FRMD1: variants seen among roughly 807,000 people sequenced by gnomAD.
The protein encoded by FRMD1 is FERM domain-containing protein 1.
A neutral mutation model predicts 54.9 loss-of-function variants in FRMD1; 51 were observed. The ratio of observed to expected loss-of-function variants is 0.93; its 90% CI spans 0.74 to 1.17. FRMD1 has a LOEUF of 1.17. Ranked by LOEUF, FRMD1 falls within the 50% of genes most tolerant of loss-of-function variation. The pLI is 0.00. For synonymous variants in FRMD1, 324 were observed against 306.4 expected (o/e 1.06, Z -0.60); for missense variants, 729 against 743.0 (o/e 0.98, Z 0.22).
At position 168,064,987 on chromosome 6, in the gene FRMD1, G is replaced by A. The variant is rs202166497; in HGVS notation, c.532C>T (p.Arg178Trp). 1.3e-4 allele frequency: 214 copies of A among 1,611,888 alleles called. 3 individuals are homozygous for A. In the East Asian group the frequency reaches 2.2e-3, roughly 16 times the overall value. ...GCCAGCAGGAAGTAGGCTTCCTCCC[G>A]GTGAGCGCACTGTGACCTCAGCACG... Reference protein sequence around the residue: ...ERVLRSQCAHREEAYFLLAAC... With the variant: ...ERVLRSQCAHWEEAYFLLAAC... The change falls in exon 5 of 11, where the codon CGG becomes TGG. Residue 178 changes from arginine to tryptophan, a missense_variant. Physicochemically the swap from Arg to Trp is moderately radical, Grantham distance 101. Coordinates refer to ENST00000283309, the MANE Select transcript of FRMD1 (RefSeq NM_024919.6).
intron 3 of FRMD1, chr6:168,067,049 C>A: frequency 2.7e-6 from 2 of 745,352 alleles, no homozygotes; most frequent in Non-Finnish European, 4.7e-6. Flanking sequence ...TCTGCAAAGG[C>A]GGGCTTCGGG....
intron 1 of FRMD1, chr6:168,075,729 G>A (rs930489084): frequency 5.2e-6 from 8 of 1,536,414 alleles, no homozygotes; most frequent in Non-Finnish European, 7.1e-6. Flanking sequence ...CGCGAGCATC[G>A]GTGTCTCACA....
chr6:168,092,510 G>A (rs10945468), intron 1 of FRMD1, among the ~76,000 whole-genome samples: 5,092 of 151,438 alleles, frequency 0.034, 147 homozygotes, highest in African/African-American at 0.064. Flanking sequence ...AGGTTTGGGA[G>A]GTGATACAGT....
At chr6:168,092,452 G>A (rs1801030628) in intron 1 of FRMD1, among the ~76,000 whole-genome samples, 1 of 152,074 alleles carries the variant, frequency 6.6e-6, no homozygotes, top group Admixed American at 6.5e-5. Context: ...CCTCAGGAAT[G>A]GGATTAGTGC....
intron 1 of FRMD1, among the ~76,000 whole-genome samples, chr6:168,091,314 G>T (rs145904701): frequency 2.0e-4 from 30 of 152,316 alleles, no homozygotes; most frequent in African/African-American, 6.5e-4. Flanking sequence ...CTCTTCCACG[G>T]ACTCTGCTCT....
rs1799750956 is a variant in FRMD1, at chr6:168,061,825, G to T, written c.1027C>A (p.Gln343Lys). 6.4e-7 allele frequency: 1 copy of T among 1,561,014 alleles called. No individual in the cohort carries two copies. Among genetic ancestry groups the T allele is most frequent in the South Asian group, 1.2e-5 (1 of 84,904 alleles). The change falls in exon 8 of 11, where the codon CAG (glutamine) becomes AAG (lysine). Residue 343 changes from glutamine (Q) to lysine (K), a missense_variant. Physicochemically the swap from Gln to Lys is moderately conservative, Grantham distance 53 (BLOSUM62 1). Transcript: ENST00000283309. ...RVRPTLQQLR[Q>K]REEAEEKQHY... ...GCCCCACCTTCTGCCTCCTCCCGCT[G>T]CCGCAGCTGTTGCAGAGTGGGCCGC...
chr6:168,079,963 T>C (rs1800780060), upstream of FRMD1, among the ~76,000 whole-genome samples: 1 of 152,078 alleles, frequency 6.6e-6, no homozygotes, highest in Non-Finnish European at 1.5e-5. Flanking sequence ...ACCCAGACCT[T>C]TGGGCGCTGC....
At chr6:168,092,824 G>T (rs1173399243) in intron 1 of FRMD1, 1 of 152,356 alleles carries the variant, frequency 6.6e-6, no homozygotes, top group Non-Finnish European at 1.5e-5. Flanking sequence ...CACCCCGTGA[G>T]CAGGCCTGGC....
Position 168,057,176 on chromosome 6 carries a change from G to C in FRMD1, c.1571C>G (p.Thr524Ser). ...GTTGCTGGACCTCTTGCTGGGGAGA[G>C]TGGCCCTGGTCTCGCAGGGGCCTGC... ...RLAGPCETRA[T>S]LPSKRSSNCL... Residue 524 changes from threonine (T) to serine (S), a missense_variant, in exon 11 of 11, where the codon ACT (threonine) becomes AGT (serine). By Grantham distance (58) the Thr-to-Ser change is moderately conservative. Transcript: ENST00000283309. 6.3e-7 allele frequency: 1 copy of C among 1,589,778 alleles called. No homozygotes were observed. The highest frequency in any genetic ancestry group is 8.6e-7 in the Non-Finnish European group (1 of 1,167,446).
chr6:168,065,212 C>G, intron 4 of FRMD1, 155 bp from the exon 5 acceptor site: 2 of 1,416,600 alleles, frequency 1.4e-6, no homozygotes, highest in Non-Finnish European at 1.8e-6. Context: ...TGTGTCCCTG[C>G]AGGGCCAGCA....
At chr6:168,076,619 T>A (rs1800606863) in intron 1 of FRMD1, among the ~76,000 whole-genome samples, 1 of 152,226 alleles carries the variant, frequency 6.6e-6, no homozygotes, top group Non-Finnish European at 1.5e-5. Context: ...GCCATGACTG[T>A]AAGTTTCCTG....
Position 168,068,881 on chromosome 6 carries a change from G to A in FRMD1, c.305-1435C>T, listed in dbSNP as rs2114989952. Among the ~76,000 whole-genome samples the A allele has an allele frequency of 2.6e-5, 4 of 152,374 alleles. No homozygotes were observed. The South Asian group carries it at 8.3e-4, about 32-fold the overall frequency. The stretch of plus-strand genomic sequence containing the variant: ...AGAGGCCTGCAGAAAGGGCATCACA[G>A]GGCCGGGTGCCTGGCTCAGCCCCTC... On this transcript the variant is annotated intron_variant, in intron 2 of 10. Transcript: ENST00000283309.
At chr6:168,075,479 C>T in intron 1 of FRMD1, 144 bp from the exon 2 acceptor site, 1 of 711,772 alleles carries the variant, frequency 1.4e-6, no homozygotes, top group Non-Finnish European at 2.5e-6. Context: ...GTCTCTCACT[C>T]TCTCCCAAAG....
In FRMD1 at chr6:168,061,131, G is replaced by A. The variant is rs556038026; in HGVS notation, c.1046-74C>T. On this transcript the variant is annotated intron_variant, in intron 8 of 10. Coordinates refer to ENST00000283309, the MANE Select transcript of FRMD1 (RefSeq NM_024919.6). ...CCTGCTGATGCAGGAGGAAGAGCCC[G>A]GGAGACAGAAATGCACACCCACAGC... The A allele has an allele frequency of 2.2e-4, 325 of 1,453,912 alleles. 1 individual carries two copies. Among genetic ancestry groups the A allele is most frequent in the Admixed American group, 3.6e-4 (17 of 47,554 alleles). The allele number at this position is 1,453,912 out of a possible 1,614,324, so 90.1% of individuals were successfully genotyped here.
At chr6:168,066,957 C>A in intron 3 of FRMD1, 126 bp from the exon 4 acceptor site, 1 of 1,191,466 alleles carries the variant, frequency 8.4e-7, no homozygotes, top group African/African-American at 1.5e-5. Flanking sequence ...CAGGTGTCTG[C>A]AGCCATAGCT....
intron 10 of FRMD1, chr6:168,057,698 G>C (rs991139753): frequency 4.0e-6 from 1 of 248,924 alleles, no homozygotes; most frequent in Admixed American, 5.1e-5. Context: ...GGTCAAGAAC[G>C]GCCTCCTATT....
chr6:168,069,243 A>C (rs545555089), intron 2 of FRMD1, among the ~76,000 whole-genome samples: 1 of 152,344 alleles, frequency 6.6e-6, no homozygotes, highest in African/African-American at 2.4e-5. Context: ...GGGTTAGCAA[A>C]CCAGGGCCCC....
chr6:168,091,975 C>T (rs12527055), intron 1 of FRMD1, among the ~76,000 whole-genome samples: 49,110 of 152,152 alleles, frequency 0.32, 8,498 homozygotes, highest in African/African-American at 0.44. Context: ...CAGCACAGGC[C>T]AGTCGGCCTC....
intron 6 of FRMD1, 137 bp downstream of exon 6, chr6:168,063,464 G>T (rs1799864617): frequency 9.5e-7 from 1 of 1,054,504 alleles, no homozygotes; most frequent in East Asian, 2.8e-5. Flanking sequence ...CTGCCCCGGG[G>T]TCCTGGTCCC....
Sources: allele counts gnomAD v4.1 joint callset (sites outside exome capture counted in the v4.1 genomes callset), GRCh38; gene constraint gnomAD v4.1.1; transcripts MANE v1.5; gene names NCBI Gene and HGNC (gene_info 2026-07-23, HGNC 2026-07-21).